ISL1: variants seen among roughly 807,000 people sequenced by gnomAD.
The protein encoded by ISL1 is insulin gene enhancer protein ISL-1.
In ISL1, 4 loss-of-function variants were observed where a neutral mutation model predicts 35.3. That is an observed-to-expected ratio of 0.11 (90% confidence interval 0.06 to 0.26). The LOEUF is 0.26. Among genes scored for constraint, ISL1 ranks in the 10% least tolerant of loss-of-function variants. ISL1 has a pLI of 1.00. For missense variants in ISL1, 340 were observed against 472.8 expected, an observed-to-expected ratio of 0.72 and a Z score of 2.60; for synonymous variants, 186 against 172.3, an observed-to-expected ratio of 1.08 and a Z score of -0.62.
intron 5 of ISL1, 89 bp from the exon 6 acceptor site, chr5:51,393,405 C>T: frequency 4.9e-6 from 4 of 809,200 alleles, no homozygotes; most frequent in South Asian, 2.8e-5. Context: ...TCTACACAAA[C>T]ATTTCTACAT....
Position 51,391,362 on chromosome 5 carries a change from A to T in ISL1, c.854A>T (p.Gln285Leu). Residue 285 changes from glutamine to leucine, a missense_variant, in exon 5 of 6, where the codon CAA (glutamine) becomes CTA (leucine). Physicochemically the swap from Gln to Leu is moderately radical, Grantham distance 113. Coordinates refer to ENST00000230658, the MANE Select transcript of ISL1 (RefSeq NM_002202.3). ...GGLQANPVEV[Q>L]SYQPPWKVLS... is the part of the protein sequence containing the mutation. The stretch of plus-strand genomic sequence containing the variant: ...TTACAGGCTAACCCAGTGGAAGTAC[A>T]AAGTTACCAGCCACCTTGGAAAGTA... 1 of 1,614,192 alleles carries T rather than the reference A, an allele frequency of 6.2e-7. No individual in the cohort carries two copies. Among genetic ancestry groups the T allele is most frequent in the Middle Eastern group, 1.7e-4 (1 of 6,050 alleles).
Position 51,394,461 on chromosome 5 carries a change from CTT to C in ISL1, c.*857_*858del, listed in dbSNP as rs1302060532. 2 of 147,970 alleles carry C rather than the reference CTT, an allele frequency of 1.4e-5. No individual in the cohort carries two copies. Among genetic ancestry groups the C allele is most frequent in the Middle Eastern group, 3.2e-3 (1 of 308 alleles). The allele number at this position is 147,970 out of a possible 1,614,324, so 9.2% of individuals were successfully genotyped here. ...ATAAAAAGGAAAAAAAAAAAGGAAA[CTT>C]TTTTTGTTTGCTCTTGCATTGCAAA... On this transcript the variant is annotated 3_prime_UTR_variant, in exon 6 of 6. Coordinates refer to ENST00000230658, the MANE Select transcript of ISL1 (RefSeq NM_002202.3).
In ISL1 at chr5:51,383,639, A is replaced by C. The variant is rs1343717383; in HGVS notation, c.-33A>C. Reference sequence around the variant, plus strand: ...GCTGTTCACCAACTGTACAACCACCATTTCACTGTGGACATTACTCCCTCT... The same window carrying C: ...GCTGTTCACCAACTGTACAACCACCCTTTCACTGTGGACATTACTCCCTCT... On this transcript the variant is annotated 5_prime_UTR_variant, in exon 1 of 6. Transcript: ENST00000230658. 5 of 1,577,966 alleles carry C rather than the reference A, an allele frequency of 3.2e-6. No homozygotes were observed. The highest frequency in any genetic ancestry group is 4.4e-6 in the Non-Finnish European group (5 of 1,147,012).
chr5:51,386,923 T>C (rs1157744044), intron 2 of ISL1, among the ~76,000 whole-genome samples: 1 of 152,202 alleles, frequency 6.6e-6, no homozygotes, highest in Admixed American at 6.5e-5. Context: ...TCTGCTTGTT[T>C]ATTTGTGAGT....
At chr5:51,388,327 G>A (rs1747404845) in intron 3 of ISL1, among the ~76,000 whole-genome samples, 1 of 152,206 alleles carries the variant, frequency 6.6e-6, no homozygotes, top group African/African-American at 2.4e-5. Flanking sequence ...ATTGCACAGA[G>A]TTGTAATATA....
At chr5:51,390,642 C>CTTTTCTTTTTTTTTTTTTTTTTTTT (rs1747483928) in intron 4 of ISL1, among the ~76,000 whole-genome samples, 1 of 40,204 alleles carries the variant, frequency 2.5e-5, no homozygotes, top group East Asian at 8.2e-4. Context: ...CTTTCTTTTT[C>CTTTTCTTTTTTTTTTTTTTTTTTTT]TTTTTTTTTT....
intron 2 of ISL1, among the ~76,000 whole-genome samples, chr5:51,385,025 C>G (rs186430961): frequency 6.6e-6 from 1 of 152,282 alleles, no homozygotes; most frequent in East Asian, 1.9e-4. Context: ...TCACCCTCCC[C>G]CTTACAAAAC....
In ISL1 at chr5:51,387,682, G is replaced by C; in HGVS notation, c.411G>C (p.Glu137Asp). 1 of 1,614,234 alleles carries C rather than the reference G, an allele frequency of 6.2e-7. No individual in the cohort carries two copies. The highest frequency in any genetic ancestry group is 2.2e-5 in the East Asian group (1 of 44,862). The change falls in exon 3 of 6, where the codon GAG (glutamate) becomes GAC (aspartate). Residue 137 changes from glutamate (E) to aspartate (D), a missense_variant. Glu to Asp is a conservative substitution (Grantham distance 45). Around this residue, in one of 7 missense-constraint regions of ISL1, gnomAD observed 94 missense variants for 102.1 expected, o/e 0.92. Transcript: ENST00000230658. This position sits in a 1 kb window ranked among gnomAD's most constrained non-coding sequence, Gnocchi z 4.3. ...GCCGAGCAGACCACGATGTGGTGGA[G>C]AGGGCCAGTCTAGGCGCTGGCGACC... Reference protein sequence around the residue: ...LFCRADHDVVERASLGAGDPL... With the variant: ...LFCRADHDVVDRASLGAGDPL...
At chr5:51,384,168 T>G (rs2111833185) in intron 1 of ISL1, among the ~76,000 whole-genome samples, 1 of 149,958 alleles carries the variant, frequency 6.7e-6, no homozygotes, top group East Asian at 2.0e-4. Flanking sequence ...CTGCGTTCAC[T>G]TAACGCTTCT....
Position 51,387,766 on chromosome 5 carries a change from C to G in ISL1, c.478+17C>G. 6.2e-7 allele frequency: 1 copy of G among 1,613,356 alleles called. No individual in the cohort carries two copies. Among genetic ancestry groups the G allele is most frequent in the Non-Finnish European group, 8.5e-7 (1 of 1,179,844 alleles). ...AAATGGCAGGTACTCCTCTGCCCGG[C>G]TCGGGTAGGCAGGCGCCAGGTTAAG... On this transcript the variant is annotated intron_variant, in intron 3 of 5. Coordinates refer to ENST00000230658, the MANE Select transcript of ISL1 (RefSeq NM_002202.3). This position sits in a 1 kb window ranked among gnomAD's most constrained non-coding sequence, Gnocchi z 4.3.
At position 51,393,696 on chromosome 5, in the gene ISL1, C is replaced by T. The variant is rs1747570574; in HGVS notation, c.*86C>T. The stretch of plus-strand genomic sequence containing the variant: ...CTCTGAAACAAAAGTATTTAACGAC[C>T]CAGTCAATGAAAACTGAATCAAGAA... On this transcript the variant is annotated 3_prime_UTR_variant, in exon 6 of 6. Transcript: ENST00000230658. 3 of 864,708 alleles carry T rather than the reference C, an allele frequency of 3.5e-6. No homozygotes were observed. Among genetic ancestry groups the T allele is most frequent in the East Asian group, 2.4e-5 (1 of 41,478 alleles). 53.6% of individuals were successfully genotyped at this position (864,708 alleles called of 1,614,324 possible).
rs1441040910 is a variant in ISL1 at position 51,389,579 on chromosome 5, G to A, written c.479-67G>A. ...CGGGCAAGCGAGCGAGCGAGCGAGC[G>A]CGCGACCGCGGGCGGGCCGGCAAGC... On this transcript the variant is annotated intron_variant, in intron 3 of 5. Coordinates refer to ENST00000230658, the MANE Select transcript of ISL1 (RefSeq NM_002202.3). The surrounding 1 kb of genome is among the most constrained non-coding windows in gnomAD (Gnocchi z 5.0). 2 of 1,356,386 alleles carry A rather than the reference G, an allele frequency of 1.5e-6. No individual in the cohort carries two copies. Among genetic ancestry groups the A allele is most frequent in the East Asian group, 3.0e-5 (1 of 33,544 alleles). 84.0% of individuals were successfully genotyped at this position (1,356,386 alleles called of 1,614,324 possible). A position where few individuals can be genotyped will look rare whatever the true frequency, so the allele number is the denominator to read the frequency against.
At position 51,383,645 on chromosome 5, in the gene ISL1, C is replaced by T. The variant is rs1747266755; in HGVS notation, c.-27C>T. On this transcript the variant is annotated 5_prime_UTR_variant, in exon 1 of 6. Transcript: ENST00000230658. ...CACCAACTGTACAACCACCATTTCA[C>T]TGTGGACATTACTCCCTCTTACAGA... 1 of 1,588,924 alleles carries T rather than the reference C, an allele frequency of 6.3e-7. No homozygotes were observed. The highest frequency in any genetic ancestry group is 1.3e-5 in the African/African-American group (1 of 74,422).
intron 4 of ISL1, among the ~76,000 whole-genome samples, chr5:51,390,542 C>G (rs1747471188): frequency 6.6e-6 from 1 of 151,860 alleles, no homozygotes; most frequent in African/African-American, 2.4e-5. Context: ...GCACCAGTAT[C>G]CACTGTTATC....
chr5:51,383,759 C>A, intron 1 of ISL1, 60 bp downstream of exon 1: 1 of 1,430,824 alleles, frequency 7.0e-7, no homozygotes, highest in Non-Finnish European at 9.9e-7. Context: ...GGTTCTCTCT[C>A]AGGCACAGGC....
Position 51,389,637 on chromosome 5 carries a change from G to A in ISL1, c.479-9G>A. 6.2e-7 allele frequency: 1 copy of A among 1,604,882 alleles called. No homozygotes were observed. Among genetic ancestry groups the A allele is most frequent in the Non-Finnish European group, 8.5e-7 (1 of 1,178,480 alleles). ...CAGCCCAGCGCTCACGGCGCTCCTTGCCCCGCAGCGGAGCCCATCTCCGCC... is the reference window on the plus strand; with the variant it reads ...CAGCCCAGCGCTCACGGCGCTCCTTACCCCGCAGCGGAGCCCATCTCCGCC... On this transcript the variant is annotated splice_polypyrimidine_tract_variant and intron_variant, in intron 3 of 5. Transcript: ENST00000230658. The surrounding 1 kb of genome is among the most constrained non-coding windows in gnomAD (Gnocchi z 5.0).
chr5:51,385,757 A>C (rs759743221), intron 2 of ISL1, among the ~76,000 whole-genome samples: 6 of 152,268 alleles, frequency 3.9e-5, no homozygotes, highest in African/African-American at 1.4e-4. Flanking sequence ...TATTATGTTA[A>C]ATAATAGCAA....
intron 5 of ISL1, among the ~76,000 whole-genome samples, chr5:51,393,071 G>T (rs1311700905): frequency 6.6e-6 from 1 of 152,182 alleles, no homozygotes; most frequent in Non-Finnish European, 1.5e-5. Flanking sequence ...AAGGATCTGA[G>T]CCTGTTACGG....
In ISL1 at chr5:51,387,881, C is replaced by A; in HGVS notation, c.478+132C>A. The A allele has an allele frequency of 1.6e-6, 2 of 1,220,660 alleles. No individual in the cohort carries two copies. Among genetic ancestry groups the A allele is most frequent in the Non-Finnish European group, 2.3e-6 (2 of 865,944 alleles). 75.6% of individuals were successfully genotyped at this position (1,220,660 alleles called of 1,614,324 possible). ...GCAGTTAAATGAAGTGTTCTGTATG[C>A]AATTTGCGCTGTGCTCTGCTCCTTT... On this transcript the variant is annotated intron_variant, in intron 3 of 5. Transcript: ENST00000230658. The surrounding 1 kb of genome is among the most constrained non-coding windows in gnomAD (Gnocchi z 4.3).
Sources: gnomAD v4.1 joint callset for allele counts (sites outside exome capture counted in the v4.1 genomes callset) on GRCh38, gnomAD v4.1.1 for gene constraint, gnomAD v4.1.1 regional missense constraint, Gnocchi (gnomAD v3.1) non-coding constraint, MANE v1.5 for transcripts, NCBI Gene and HGNC (gene_info 2026-07-23, HGNC 2026-07-21) for gene names.